The following SLC41A3 variants were observed in gnomAD, a reference collection of about 807,000 sequenced individuals.
SLC41A3 encodes the protein solute carrier family 41 member 3, also known as SLC41A1-like 2.
Under a neutral mutation model 45.4 loss-of-function variants are expected in SLC41A3, and 44 were observed. That is an observed-to-expected ratio of 0.97 (90% CI 0.76 to 1.25). SLC41A3 has a LOEUF of 1.25. Among genes scored for constraint, SLC41A3 ranks in the 50% most tolerant of loss-of-function variants. The pLI is 0.00. For missense variants in SLC41A3, 550 were observed against 600.6 expected, an observed-to-expected ratio of 0.92 and a Z score of 0.88; for synonymous variants, 256 against 252.4, an observed-to-expected ratio of 1.01 and a Z score of -0.13.
intron 3 of SLC41A3, among the ~76,000 whole-genome samples, chr3:126,049,905 A>G (rs529091499): frequency 1.3e-5 from 2 of 152,294 alleles, no homozygotes; most frequent in East Asian, 3.9e-4. Context: ...CTCTTGGCTC[A>G]TGGCCCTTCC....
At chr3:126,068,804 C>T (rs1408309216) in intron 1 of SLC41A3, among the ~76,000 whole-genome samples, 1 of 152,124 alleles carries the variant, frequency 6.6e-6, no homozygotes, top group East Asian at 1.9e-4. Context: ...TCTTACAAGT[C>T]CCCATGCCCA....
chr3:126,096,634 C>T (rs1282543127), intron 1 of SLC41A3, among the ~76,000 whole-genome samples: 1 of 152,272 alleles, frequency 6.6e-6, no homozygotes, highest in Non-Finnish European at 1.5e-5. Flanking sequence ...GATAACTAGC[C>T]AGACCCACCC....
chr3:126,081,095 G>A (rs375814933), intron 1 of SLC41A3, among the ~76,000 whole-genome samples: 91 of 152,316 alleles, frequency 6.0e-4, no homozygotes, highest in African/African-American at 2.0e-3. Flanking sequence ...CAATAGCTAA[G>A]ATATGGATCA....
intron 1 of SLC41A3, chr3:126,070,390 T>G (rs931370744): frequency 1.3e-5 from 2 of 152,266 alleles, no homozygotes; most frequent in Non-Finnish European, 2.9e-5. Context: ...CTAGGTTGTG[T>G]GCTCCTTATG....
At chr3:126,099,688 CTAAA>C (rs1296152005) in intron 1 of SLC41A3, among the ~76,000 whole-genome samples, 1 of 152,052 alleles carries the variant, frequency 6.6e-6, no homozygotes, top group Admixed American at 6.5e-5. Flanking sequence ...CAGAGACTAT[CTAAA>C]TAAATAAATA....
intron 2 of SLC41A3, 52 bp from the exon 3 acceptor site, chr3:126,051,102 C>T: frequency 6.8e-7 from 1 of 1,480,872 alleles, no homozygotes; most frequent in Non-Finnish European, 9.0e-7. Flanking sequence ...CAGCAAATCT[C>T]TGGAAATTTC....
intron 1 of SLC41A3, chr3:126,078,882 C>T (rs998427829): frequency 6.6e-6 from 1 of 152,248 alleles, no homozygotes; most frequent in African/African-American, 2.4e-5. Context: ...TCTATAAACC[C>T]AGCCTTGACG....
chr3:126,022,814 C>T lies in SLC41A3; in HGVS notation c.717G>A (p.Leu239=). The change falls in exon 6 of 11, where the codon TTG becomes TTA. Residue 239 remains leucine (L), a synonymous_variant. Transcript: ENST00000360370. Reference sequence around the variant, plus strand: ...TGTGTCTGTAGAAGAAGCTGCTAACCAAAGCCAGAATGGACAGTGTGATGA... The same window carrying T: ...TGTGTCTGTAGAAGAAGCTGCTAACTAAAGCCAGAATGGACAGTGTGATGA... The part of the protein sequence containing the change: ...GDLITLSILA[L]VSSFFYRHKD... The T allele has an allele frequency of 6.2e-7, 1 of 1,614,178 alleles. No homozygotes were observed. The highest frequency in any genetic ancestry group is 1.1e-5 in the South Asian group (1 of 91,086).
chr3:126,006,633 C>T lies in SLC41A3; in HGVS notation c.*383G>A. The T allele has an allele frequency of 6.5e-7, 1 of 1,537,998 alleles. No individual in the cohort carries two copies. Among genetic ancestry groups the T allele is most frequent in the Non-Finnish European group, 8.7e-7 (1 of 1,149,182 alleles). On this transcript the variant is annotated 3_prime_UTR_variant, in exon 11 of 11. Transcript: ENST00000360370. The stretch of plus-strand genomic sequence containing the variant: ...CTTGGGAACAGAAAAGAGCTCCTTC[C>T]TGCTCCACCCCAATCTGGGTTGCAT...
chr3:126,033,711 T>C, intron 3 of SLC41A3, 33 bp from the exon 4 acceptor site: 1 of 1,603,358 alleles, frequency 6.2e-7, no homozygotes, highest in South Asian at 1.1e-5. Flanking sequence ...AAGGTAGGAC[T>C]GGCTAGGCCC....
intron 2 of SLC41A3, among the ~76,000 whole-genome samples, chr3:126,061,238 A>G (rs1213679534): frequency 6.6e-6 from 1 of 152,210 alleles, no homozygotes; most frequent in African/African-American, 2.4e-5. Context: ...GATCAGGCCA[A>G]TTAAATTTTA....
intron 2 of SLC41A3, among the ~76,000 whole-genome samples, chr3:126,057,364 GAGA>G (rs1943737299): frequency 6.6e-6 from 1 of 152,220 alleles, no homozygotes; most frequent in Non-Finnish European, 1.5e-5. Context: ...TCCTCACCCA[GAGA>G]AGGAGAAGGG....
chr3:126,063,949 A>ACCCACCCCCCCC (rs1944207111), intron 2 of SLC41A3, among the ~76,000 whole-genome samples: 1 of 101,994 alleles, frequency 9.8e-6, no homozygotes, highest in African/African-American at 3.4e-5. Flanking sequence ...GCCAGATCCA[A>ACCCACCCCCCCC]CCCCCCCCCG....
intron 2 of SLC41A3, chr3:126,067,715 G>T: frequency 3.5e-6 from 2 of 579,198 alleles, no homozygotes; most frequent in East Asian, 3.1e-5. Context: ...AGTAAATTTT[G>T]GTCTACATCA....
chr3:126,083,957 G>GCCCGGCGCCCGGCTC (rs1945301212), intron 1 of SLC41A3, 136 bp downstream of exon 1: 1 of 146,158 alleles, frequency 6.8e-6, no homozygotes, highest in African/African-American at 2.6e-5. Context: ...GAGCCCCCAG[G>GCCCGGCGCCCGGCTC]GCCCGGCGCC....
intron 3 of SLC41A3, among the ~76,000 whole-genome samples, chr3:126,045,327 T>C (rs927274988): frequency 8.7e-5 from 12 of 137,424 alleles, no homozygotes; most frequent in African/African-American, 3.2e-4. Flanking sequence ...CAGAGAAAAA[T>C]CAATGAAACT....
chr3:126,079,436 A>G (rs1282970813), intron 1 of SLC41A3, among the ~76,000 whole-genome samples: 1 of 152,188 alleles, frequency 6.6e-6, no homozygotes. Flanking sequence ...GTTGGACCCA[A>G]TACAAGAGAC....
chr3:126,055,875 G>T (rs1254784051), intron 2 of SLC41A3, among the ~76,000 whole-genome samples: 2 of 152,100 alleles, frequency 1.3e-5, no homozygotes, highest in Non-Finnish European at 2.9e-5. Context: ...GCCACGCCAG[G>T]ATGCTGCGGG....
At chr3:126,032,719 C>T (rs987592522) in intron 4 of SLC41A3, among the ~76,000 whole-genome samples, 2 of 152,112 alleles carry the variant, frequency 1.3e-5, no homozygotes, top group African/African-American at 2.4e-5. Flanking sequence ...GGAGATGCCC[C>T]GTACAGTTAG....
Sources: gnomAD v4.1 joint callset for allele counts (sites outside exome capture counted in the v4.1 genomes callset) on GRCh38, gnomAD v4.1.1 for gene constraint, MANE v1.5 for transcripts, NCBI Gene and HGNC (gene_info 2026-07-23, HGNC 2026-07-21) for gene names.